DIP2A: variants seen among roughly 807,000 people sequenced by gnomAD.
DIP2A encodes DIP2 acetate--CoA ligase A, also known as disco-interacting protein 2 homolog A.
DIP2A carries 85 observed loss-of-function variants against 177.4 expected under a neutral mutation model. The ratio of observed to expected loss-of-function variants is 0.48; its 90% CI spans 0.40 to 0.57. The LOEUF is 0.57. DIP2A is among the 20% of genes least tolerant of loss of function. The pLI is 0.00. For missense variants in DIP2A, 1,791 were observed against 2,100.2 expected, an observed-to-expected ratio of 0.85 and a Z score of 2.88; for synonymous variants, 886 against 881.8, an observed-to-expected ratio of 1.00 and a Z score of -0.08.
chr21:46,565,574 T>C, intron 35 of DIP2A, 139 bp from the exon 36 acceptor site: 1 of 865,200 alleles, frequency 1.2e-6, no homozygotes, highest in East Asian at 2.7e-5. Context: ...GTTCATAAAA[T>C]AAGAGACAAT....
chr21:46,546,018 A>G lies in DIP2A; in HGVS notation c.2394+57A>G, dbSNP rs1462389171. 4 of 1,612,316 alleles carry G rather than the reference A, an allele frequency of 2.5e-6. No homozygotes were observed. In the South Asian group the frequency reaches 4.4e-5, roughly 18 times the overall value. On this transcript the variant is annotated intron_variant, in intron 20 of 37. Coordinates refer to ENST00000417564, the MANE Select transcript of DIP2A (RefSeq NM_015151.4). The stretch of plus-strand genomic sequence containing the variant: ...GTCAGAGAAGGTAGGGGGTGTGGCT[A>G]AGGGACACCTCGTTGCAGCCCCACC...
chr21:46,558,117 C>T (rs2060532161), intron 31 of DIP2A, 106 bp from the exon 32 acceptor site: 1 of 1,207,370 alleles, frequency 8.3e-7, no homozygotes, highest in Non-Finnish European at 1.1e-6. Context: ...GGTTGGTGTC[C>T]AGCTCCACCT....
At chr21:46,502,744 G>T (rs2057724671) in intron 5 of DIP2A, among the ~76,000 whole-genome samples, 1 of 152,008 alleles carries the variant, frequency 6.6e-6, no homozygotes, top group South Asian at 2.1e-4. Context: ...TACCATGTTG[G>T]CCCCTATGTT....
chr21:46,563,879 A>G lies in DIP2A; in HGVS notation c.4111A>G (p.Ile1371Val). The G allele has an allele frequency of 1.2e-6, 2 of 1,613,504 alleles. No homozygotes were observed. Among genetic ancestry groups the G allele is most frequent in the Non-Finnish European group, 1.7e-6 (2 of 1,179,778 alleles). ...SGKILPGVKV[I>V]IAHTETKGPL... is the part of the protein sequence containing the mutation. ...CCAGATCCTCCCCGGCGTGAAGGTC[A>G]TCATCGCACACACCGAGACCAAAGG... Residue 1371 changes from isoleucine (I) to valine (V), a missense_variant, in exon 35 of 38, where the codon ATC (isoleucine) becomes GTC (valine). Ile to Val is a conservative substitution (Grantham distance 29). Coordinates refer to ENST00000417564, the MANE Select transcript of DIP2A (RefSeq NM_015151.4). The surrounding 1 kb of genome is among the most constrained non-coding windows in gnomAD (Gnocchi z 4.3).
At position 46,555,830 on chromosome 21, in the gene DIP2A, C is replaced by T. The variant is rs147855489; in HGVS notation, c.3389-152C>T. On this transcript the variant is annotated intron_variant, in intron 28 of 37. Coordinates refer to ENST00000417564, the MANE Select transcript of DIP2A (RefSeq NM_015151.4). Reference sequence around the variant, plus strand: ...TGAAATACGCTTTCCTGAGCACGCACAGCCTGCATCGTCACGGCCCCACTC... The same window carrying T: ...TGAAATACGCTTTCCTGAGCACGCATAGCCTGCATCGTCACGGCCCCACTC... 1,368 of 687,514 alleles carry T rather than the reference C, an allele frequency of 2.0e-3. 7 individuals are homozygous for T. Among genetic ancestry groups the T allele is most frequent in the South Asian group, 1.9e-3 (121 of 63,328 alleles). The allele number at this position is 687,514 out of a possible 1,614,324, so 42.6% of individuals were successfully genotyped here.
At chr21:46,525,242 CATT>C (rs766238377) in intron 8 of DIP2A, among the ~76,000 whole-genome samples, 1 of 152,128 alleles carries the variant, frequency 6.6e-6, no homozygotes, top group Non-Finnish European at 1.5e-5. Flanking sequence ...GAGATCAAAA[CATT>C]ATTCCATTAA....
chr21:46,508,657 C>T (rs1351137680), intron 6 of DIP2A, among the ~76,000 whole-genome samples: 1 of 151,386 alleles, frequency 6.6e-6, no homozygotes, highest in Non-Finnish European at 1.5e-5. Flanking sequence ...CTTAACATTA[C>T]CATGGAATAG....
intron 1 of DIP2A, among the ~76,000 whole-genome samples, chr21:46,474,237 G>A (rs373948298): frequency 3.3e-5 from 5 of 152,348 alleles, no homozygotes; most frequent in African/African-American, 1.2e-4. Context: ...AACACAAAAG[G>A]AGTGTGAGGC....
intron 5 of DIP2A, among the ~76,000 whole-genome samples, chr21:46,503,669 CTTTCTTTCTTTCTTTT>C (rs879287239): frequency 0.39 from 45,598 of 118,252 alleles, 10,240 homozygotes; most frequent in African/African-American, 0.45. Flanking sequence ...CTTTCTTTTT[CTTTCTTTCTTTCTTTT>C]CTTTCTTTCT....
chr21:46,552,537 G>A (rs980914914), intron 25 of DIP2A, among the ~76,000 whole-genome samples: 5 of 152,256 alleles, frequency 3.3e-5, no homozygotes, highest in South Asian at 2.1e-4. Context: ...CCTGTCCCAC[G>A]CACCATACAA....
At chr21:46,461,171 A>ACCTGTAGT (rs1219750181) in intron 1 of DIP2A, among the ~76,000 whole-genome samples, 2 of 147,756 alleles carry the variant, frequency 1.4e-5, no homozygotes, top group Non-Finnish European at 3.0e-5. Flanking sequence ...GGTGGTGTGC[A>ACCTGTAGT]CCTGTAGTCC....
intron 1 of DIP2A, among the ~76,000 whole-genome samples, chr21:46,478,375 G>A (rs921065933): frequency 1.3e-5 from 2 of 152,048 alleles, no homozygotes; most frequent in African/African-American, 4.8e-5. Flanking sequence ...ACCATGCTTG[G>A]CTAATTTTGT....
chr21:46,545,403 G>A, intron 19 of DIP2A, 130 bp downstream of exon 19: 1 of 1,140,230 alleles, frequency 8.8e-7, no homozygotes, highest in Non-Finnish European at 1.2e-6. Flanking sequence ...GCGCTGCTGG[G>A]GCTGTTGGCA....
chr21:46,470,409 G>A (rs1360647121), intron 1 of DIP2A, among the ~76,000 whole-genome samples: 1 of 151,854 alleles, frequency 6.6e-6, no homozygotes, highest in African/African-American at 2.4e-5. Context: ...AGGAGGCGGA[G>A]GTTGCGGTGA....
intron 3 of DIP2A, among the ~76,000 whole-genome samples, chr21:46,495,477 A>G (rs576961134): frequency 4.0e-4 from 61 of 152,042 alleles, no homozygotes; most frequent in African/African-American, 1.4e-3. Context: ...CATGTTGACC[A>G]GGCTGGTCTG....
intron 1 of DIP2A, among the ~76,000 whole-genome samples, chr21:46,459,863 G>C (rs748148261): frequency 8.5e-5 from 13 of 152,112 alleles, no homozygotes; most frequent in Non-Finnish European, 1.9e-4. Context: ...TGACTAGGTC[G>C]TTTGGACAGG....
At chr21:46,489,711 T>C (rs2148468889) in intron 2 of DIP2A, among the ~76,000 whole-genome samples, 1 of 152,294 alleles carries the variant, frequency 6.6e-6, no homozygotes, top group African/African-American at 2.4e-5. Flanking sequence ...CTGGCCAATT[T>C]TATGAAACAT....
chr21:46,470,250 G>A (rs375014482), intron 1 of DIP2A, among the ~76,000 whole-genome samples: 11 of 152,284 alleles, frequency 7.2e-5, no homozygotes, highest in East Asian at 1.9e-4. Flanking sequence ...CAAGGCGGGC[G>A]GATCACCTGG....
intron 1 of DIP2A, among the ~76,000 whole-genome samples, chr21:46,460,552 C>T (rs1281986232): frequency 6.6e-6 from 1 of 152,178 alleles, no homozygotes. Context: ...AAATAATATG[C>T]ACTAGCATAC....
Sources: gnomAD v4.1 joint callset for allele counts (sites outside exome capture counted in the v4.1 genomes callset) on GRCh38, gnomAD v4.1.1 for gene constraint, Gnocchi (gnomAD v3.1) non-coding constraint, MANE v1.5 for transcripts, NCBI Gene and HGNC (gene_info 2026-07-23, HGNC 2026-07-21) for gene names.